The following RABGEF1 variants were observed in gnomAD, a reference collection of about 807,000 sequenced individuals.
The protein encoded by RABGEF1 is rab5 GDP/GTP exchange factor.
RABGEF1 carries 26 observed loss-of-function variants against 57.3 expected under a neutral mutation model. The ratio of observed to expected loss-of-function variants is 0.45; its 90% CI spans 0.33 to 0.63. RABGEF1 has a LOEUF of 0.63. Among genes scored for constraint, RABGEF1 ranks in the 20% least tolerant of loss-of-function variants. The pLI is 0.02. For missense variants in RABGEF1, 464 were observed against 607.6 expected, an observed-to-expected ratio of 0.76 and a Z score of 2.48; for synonymous variants, 185 against 210.7, an observed-to-expected ratio of 0.88 and a Z score of 1.06.
At chr7:66,751,324 C>T (rs1239429853) in intron 1 of RABGEF1, among the ~76,000 whole-genome samples, 2 of 152,202 alleles carry the variant, frequency 1.3e-5, no homozygotes, top group Non-Finnish European at 2.9e-5. Context: ...AGCCACCGTA[C>T]CTGGCCTTCC....
At chr7:66,776,073 C>A (rs62468263) in intron 3 of RABGEF1, among the ~76,000 whole-genome samples, 6,003 of 152,218 alleles carry the variant, frequency 0.039, 165 homozygotes, top group East Asian at 0.085. Flanking sequence ...GCAAGAAAGA[C>A]TCTTTGTTGT....
chr7:66,725,509 G>A (rs1796491758), intron 2 of RABGEF1, among the ~76,000 whole-genome samples: 1 of 152,208 alleles, frequency 6.6e-6, no homozygotes, highest in African/African-American at 2.4e-5. Flanking sequence ...GTTGTGGCAT[G>A]TATCAGTTCT....
At position 66,756,352 on chromosome 7, in the gene RABGEF1, C is replaced by G. The variant is rs1583773630; in HGVS notation, c.-17-15531C>G. ...GTAGGTGGGAATGTAAATGGTATAG[C>G]CTTTTTGTCAGACCAGTTTGGTATA... On this transcript the variant is annotated intron_variant, in intron 1 of 8. Coordinates refer to ENST00000284957, the MANE Select transcript of RABGEF1 (RefSeq NM_014504.3). Among the ~76,000 whole-genome samples the G allele has an allele frequency of 2.0e-5, 3 of 152,126 alleles. No homozygotes were observed. In the South Asian group the frequency reaches 6.2e-4, roughly 32 times the overall value.
intron 2 of RABGEF1, among the ~76,000 whole-genome samples, chr7:66,772,594 C>T (rs902681333): frequency 7.9e-5 from 12 of 151,898 alleles, no homozygotes; most frequent in African/African-American, 4.8e-5. Flanking sequence ...TGGTATTATC[C>T]GGAAATATAA....
chr7:66,805,645 G>A (rs2129190735), intron 8 of RABGEF1, among the ~76,000 whole-genome samples: 1 of 152,284 alleles, frequency 6.6e-6, no homozygotes, highest in South Asian at 2.1e-4. Context: ...CACTCCCCAC[G>A]GTCCTGGGTA....
intron 3 of RABGEF1, among the ~76,000 whole-genome samples, chr7:66,775,849 G>T (rs550420894): frequency 6.6e-6 from 1 of 152,162 alleles, no homozygotes; most frequent in Non-Finnish European, 1.5e-5. Flanking sequence ...TCTTGAGGAA[G>T]TGTATTGAGA....
chr7:66,799,244 C>A, intron 6 of RABGEF1, 79 bp from the exon 7 acceptor site: 1 of 1,185,760 alleles, frequency 8.4e-7, no homozygotes, highest in Non-Finnish European at 1.2e-6. Context: ...CTCAGGCTTT[C>A]CCTAAACTGA....
upstream of RABGEF1, among the ~76,000 whole-genome samples, chr7:66,679,494 A>G (rs1227621769): frequency 6.6e-6 from 1 of 152,090 alleles, no homozygotes; most frequent in Non-Finnish European, 1.5e-5. Context: ...TTTTTAGTAG[A>G]GGTGGGGTTT....
Position 66,774,829 on chromosome 7 carries a change from C to A in RABGEF1, c.180-398C>A, listed in dbSNP as rs1156797479. Among the ~76,000 whole-genome samples the A allele has an allele frequency of 8.5e-5, 13 of 152,168 alleles. No individual in the cohort carries two copies. The East Asian group carries it at 2.5e-3, about 29-fold the overall frequency. Reference sequence around the variant, plus strand: ...CCCAAACATCACCGTTGTAAAGCCTCGTCAGACTCCCCCAGCAGATTGAGT... The same window carrying A: ...CCCAAACATCACCGTTGTAAAGCCTAGTCAGACTCCCCCAGCAGATTGAGT... On this transcript the variant is annotated intron_variant, in intron 2 of 8. Transcript: ENST00000284957.
intron 1 of RABGEF1, among the ~76,000 whole-genome samples, chr7:66,686,374 A>G (rs1790637575): frequency 6.6e-6 from 1 of 152,106 alleles, no homozygotes; most frequent in South Asian, 2.1e-4. Context: ...TCGGAGGCCA[A>G]AGTGGGAGGA....
At chr7:66,789,664 C>T (rs1402445754) in intron 4 of RABGEF1, among the ~76,000 whole-genome samples, 1 of 107,288 alleles carries the variant, frequency 9.3e-6, no homozygotes, top group African/African-American at 3.7e-5. Flanking sequence ...GCCTCAGCAT[C>T]GGAGCGAGAC....
At position 66,795,634 on chromosome 7, in the gene RABGEF1, G is replaced by A. The variant is rs750323189; in HGVS notation, c.595+42G>A. The A allele has an allele frequency of 1.3e-5, 20 of 1,500,234 alleles. No homozygotes were observed. In the South Asian group the frequency reaches 2.0e-4, roughly 15 times the overall value. The allele number at this position is 1,500,234 out of a possible 1,614,324, so 92.9% of individuals were successfully genotyped here. On this transcript the variant is annotated intron_variant, in intron 5 of 8. Coordinates refer to ENST00000284957, the MANE Select transcript of RABGEF1 (RefSeq NM_014504.3). ...TTGAGAGATTGCGGGTATTGCACAG[G>A]GATGACTGCTCAGTCTCTTAGCAAT... is the stretch of plus-strand genomic sequence containing the variant.
chr7:66,737,764 G>A (rs1482221839), upstream of RABGEF1, among the ~76,000 whole-genome samples: 1 of 152,168 alleles, frequency 6.6e-6, no homozygotes, highest in African/African-American at 2.4e-5. Context: ...AGCCTGAGGT[G>A]GGAGGATTGG....
chr7:66,773,641 C>G, intron 2 of RABGEF1: 2 of 453,522 alleles, frequency 4.4e-6, no homozygotes, highest in Admixed American at 2.4e-5. Context: ...AAATCATTGT[C>G]TTTTAGATAG....
intron 8 of RABGEF1, 131 bp from the exon 9 acceptor site, chr7:66,808,755 A>G: frequency 9.9e-7 from 1 of 1,011,240 alleles, no homozygotes; most frequent in Non-Finnish European, 1.4e-6. Context: ...TGAAATACAC[A>G]GAAGTTCATG....
At chr7:66,751,319 C>T (rs1479089020) in intron 1 of RABGEF1, among the ~76,000 whole-genome samples, 1 of 152,230 alleles carries the variant, frequency 6.6e-6, no homozygotes, top group African/African-American at 2.4e-5. Flanking sequence ...GCGTGAGCCA[C>T]CGTACCTGGC....
At chr7:66,699,571 A>G (rs1234397040) in intron 1 of RABGEF1, among the ~76,000 whole-genome samples, 2 of 151,846 alleles carry the variant, frequency 1.3e-5, no homozygotes, top group Non-Finnish European at 2.9e-5. Context: ...AGGCACCTGT[A>G]ATCTTAGCTA....
At chr7:66,746,598 A>G (rs957157222) in intron 1 of RABGEF1, among the ~76,000 whole-genome samples, 2 of 141,282 alleles carry the variant, frequency 1.4e-5, no homozygotes, top group African/African-American at 5.3e-5. Flanking sequence ...AGGAAGTGCA[A>G]TTTTTATTTA....
At chr7:66,683,859 A>G (rs1166408833) in intron 1 of RABGEF1, among the ~76,000 whole-genome samples, 2 of 151,746 alleles carry the variant, frequency 1.3e-5, no homozygotes, top group African/African-American at 4.8e-5. Flanking sequence ...TCCCACCTCA[A>G]CCTCCCGAGT....
Sources: gnomAD v4.1 joint callset for allele counts (sites outside exome capture counted in the v4.1 genomes callset) on GRCh38, gnomAD v4.1.1 for gene constraint, MANE v1.5 for transcripts, NCBI Gene and HGNC (gene_info 2026-07-23, HGNC 2026-07-21) for gene names.